Variants in SORCS2 observed in about 807,000 individuals in gnomAD.
SORCS2 encodes VPS10 domain-containing receptor SorCS2.
SORCS2 carries 100 observed loss-of-function variants against 141.6 expected under a neutral mutation model. That is an observed-to-expected ratio of 0.71 (90% CI 0.60 to 0.83). The LOEUF is 0.83. SORCS2 is among the 40% of genes least tolerant of loss of function. The pLI is 0.00. For missense variants in SORCS2, 1,646 were observed against 1,560.2 expected (o/e 1.05, Z -0.93); for synonymous variants, 789 against 676.9 (o/e 1.17, Z -2.57).
chr4:7,385,782 G>A (rs1723257641), intron 1 of SORCS2, among the ~76,000 whole-genome samples: 1 of 152,216 alleles, frequency 6.6e-6, no homozygotes, highest in Admixed American at 6.5e-5. Context: ...ACCACCTGAA[G>A]GGGCAGGGCA....
Position 7,654,292 on chromosome 4 carries a change from G to T in SORCS2, c.887+85G>T, listed in dbSNP as rs950339465. On this transcript the variant is annotated intron_variant, in intron 5 of 26. Transcript: ENST00000507866. ...CCCAAACCCTTGGGAGCCCATCCCT[G>T]CAGCTCCCTTTCCTCCTCTGGACCC... 2.2e-6 allele frequency: 3 copies of T among 1,377,236 alleles called. No individual in the cohort carries two copies. The African/African-American group carries it at 4.3e-5, about 20-fold the overall frequency. The allele number at this position is 1,377,236 out of a possible 1,614,324, so 85.3% of individuals were successfully genotyped here.
intron 1 of SORCS2, among the ~76,000 whole-genome samples, chr4:7,293,004 A>G (rs1716711885): frequency 6.6e-6 from 1 of 152,190 alleles, no homozygotes; most frequent in Non-Finnish European, 1.5e-5. Context: ...AGTCTGTGAC[A>G]TTGAAAATGG....
chr4:7,495,570 C>T (rs762038224), intron 2 of SORCS2, among the ~76,000 whole-genome samples: 16 of 152,270 alleles, frequency 1.1e-4, no homozygotes, highest in Non-Finnish European at 2.1e-4. Context: ...GCCCCAAGCC[C>T]GGGGCCTCCT....
intron 1 of SORCS2, among the ~76,000 whole-genome samples, chr4:7,356,651 A>G (rs571166243): frequency 6.3e-4 from 96 of 152,294 alleles, no homozygotes; most frequent in African/African-American, 2.1e-3. Flanking sequence ...TAGGATTTCA[A>G]CATGTGGATT....
chr4:7,494,088 G>A (rs1731469747), intron 2 of SORCS2, among the ~76,000 whole-genome samples: 1 of 152,072 alleles, frequency 6.6e-6, no homozygotes, highest in African/African-American at 2.4e-5. Context: ...TTCACATATG[G>A]ACAGATGCAT....
At position 7,536,845 on chromosome 4, in the gene SORCS2, C is replaced by T. The variant is rs11299510; in HGVS notation, c.648+5216C>T. 9.8e-4 allele frequency among the ~76,000 whole-genome samples: 8 copies of T among 8,138 alleles called. 1 individual carries two copies. The highest frequency in any genetic ancestry group is 5.0e-3 in the East Asian group (1 of 200). 5.3% of individuals were successfully genotyped at this position (8,138 alleles called of 152,430 possible). ...CATACTCAGATGTGGGGGGGGGGGGCGGGCAGGGCCCACCTCGAGGTCACC... is the reference window on the plus strand; with the variant it reads ...CATACTCAGATGTGGGGGGGGGGGGTGGGCAGGGCCCACCTCGAGGTCACC... On this transcript the variant is annotated intron_variant, in intron 3 of 26. Coordinates refer to ENST00000507866, the MANE Select transcript of SORCS2 (RefSeq NM_020777.3).
chr4:7,395,191 TCAAATCAC>T (rs1724130258), intron 1 of SORCS2, among the ~76,000 whole-genome samples: 2 of 152,112 alleles, frequency 1.3e-5, no homozygotes, highest in Admixed American at 6.5e-5. Flanking sequence ...TCCTCCCTGC[TCAAATCAC>T]CAGGGAAAGA....
chr4:7,486,163 C>T (rs1432421515), intron 2 of SORCS2, among the ~76,000 whole-genome samples: 1 of 142,062 alleles, frequency 7.0e-6, no homozygotes, highest in East Asian at 1.9e-4. Context: ...CACCTGCCTC[C>T]TGAGGCCTCT....
chr4:7,561,502 A>C (rs73214662), intron 3 of SORCS2, among the ~76,000 whole-genome samples: 11,803 of 150,920 alleles, frequency 0.078, 517 homozygotes, highest in African/African-American at 0.086. Flanking sequence ...CTACCCATTC[A>C]TCCATCTATC....
At chr4:7,408,007 G>A (rs977214646) in intron 2 of SORCS2, among the ~76,000 whole-genome samples, 8 of 151,888 alleles carry the variant, frequency 5.3e-5, no homozygotes, top group Admixed American at 3.3e-4. Flanking sequence ...TTCAGTTTAC[G>A]TATTTCTATA....
At position 7,735,814 on chromosome 4, in the gene SORCS2, C is replaced by G. The variant is rs113127747; in HGVS notation, c.3312-1255C>G. 8.7e-3 allele frequency among the ~76,000 whole-genome samples: 1,324 copies of G among 152,308 alleles called. 17 individuals are homozygous for G. Among genetic ancestry groups the G allele is most frequent in the African/African-American group, 0.03 (1,262 of 41,550 alleles). The stretch of plus-strand genomic sequence containing the variant: ...CAGGTGCCCAGGTCAGGAATCCCAC[C>G]TCCTTCCTGTGTGCTCCCCCTCCAG... On this transcript the variant is annotated intron_variant, in intron 25 of 26. Coordinates refer to ENST00000507866, the MANE Select transcript of SORCS2 (RefSeq NM_020777.3).
At chr4:7,460,741 C>A (rs570892926) in intron 2 of SORCS2, among the ~76,000 whole-genome samples, 2 of 151,948 alleles carry the variant, frequency 1.3e-5, no homozygotes. Flanking sequence ...TAACTCAACA[C>A]GCTCCCTAAT....
intron 1 of SORCS2, among the ~76,000 whole-genome samples, chr4:7,382,869 C>T (rs79574711): frequency 0.045 from 6,848 of 152,072 alleles, 175 homozygotes; most frequent in East Asian, 0.092. Flanking sequence ...TGCCAGGGTC[C>T]GCACAACATC....
intron 2 of SORCS2, among the ~76,000 whole-genome samples, chr4:7,507,496 G>A (rs969660834): frequency 5.9e-5 from 9 of 152,164 alleles, no homozygotes; most frequent in African/African-American, 2.2e-4. Context: ...TAAAGTTTGT[G>A]TAGAAGAATA....
At chr4:7,607,495 C>A (rs553378990) in intron 3 of SORCS2, among the ~76,000 whole-genome samples, 1 of 152,144 alleles carries the variant, frequency 6.6e-6, no homozygotes, top group Admixed American at 6.5e-5. Flanking sequence ...TGTCATTGAG[C>A]GCTTCTTGGG....
At chr4:7,276,827 G>T (rs1386735953) in intron 1 of SORCS2, among the ~76,000 whole-genome samples, 1 of 152,130 alleles carries the variant, frequency 6.6e-6, no homozygotes, top group African/African-American at 2.4e-5. Flanking sequence ...CATTCATCAC[G>T]CGGCAGACCC....
intron 7 of SORCS2, among the ~76,000 whole-genome samples, chr4:7,666,229 C>T (rs114367674): frequency 0.026 from 3,974 of 152,198 alleles, 161 homozygotes; most frequent in African/African-American, 0.088. Flanking sequence ...TGAACGACGT[C>T]CACGTCTGGT....
chr4:7,698,545 C>T (rs1401484509), intron 12 of SORCS2, among the ~76,000 whole-genome samples: 4 of 152,180 alleles, frequency 2.6e-5, no homozygotes, highest in African/African-American at 9.7e-5. Context: ...GAAGATTCCC[C>T]CGTATTAGAT....
intron 1 of SORCS2, among the ~76,000 whole-genome samples, chr4:7,239,856 G>A (rs537250728): frequency 1.3e-4 from 20 of 152,358 alleles, no homozygotes; most frequent in Non-Finnish European, 2.2e-4. Context: ...CAATGAGGGT[G>A]AACAGCCCAG....
Sources: gnomAD v4.1 joint callset for allele counts (sites outside exome capture counted in the v4.1 genomes callset) on GRCh38, gnomAD v4.1.1 for gene constraint, MANE v1.5 for transcripts, NCBI Gene and HGNC (gene_info 2026-07-23, HGNC 2026-07-21) for gene names.